Variants in LDLRAD4 observed in about 807,000 individuals in gnomAD.
The protein encoded by LDLRAD4 is low-density lipoprotein receptor class A domain-containing protein 4.
LDLRAD4 carries 5 observed loss-of-function variants against 17.0 expected under a neutral mutation model. The ratio of observed to expected loss-of-function variants is 0.29; its 90% CI spans 0.15 to 0.62. LDLRAD4 has a LOEUF of 0.62. Ranked by LOEUF, LDLRAD4 falls within the 20% of genes least tolerant of loss-of-function variation. The pLI is 0.84. For synonymous variants in LDLRAD4, 168 were observed against 171.8 expected, an observed-to-expected ratio of 0.98 and a Z score of 0.17; for missense variants, 340 against 424.7, an observed-to-expected ratio of 0.80 and a Z score of 1.75.
chr18:13,501,221 G>A (rs180883725), intron 3 of LDLRAD4: 1 of 152,218 alleles, frequency 6.6e-6, no homozygotes, highest in East Asian at 1.9e-4. Flanking sequence ...ATCTTAAATA[G>A]GTACAGTGGC....
chr18:13,420,886 C>G (rs1357259486), intron 2 of LDLRAD4: 1 of 152,252 alleles, frequency 6.6e-6, no homozygotes, highest in Non-Finnish European at 1.5e-5. Context: ...CAGGACTCAG[C>G]ATCTCAGTGC....
At chr18:13,369,398 C>G (rs957947429) in intron 1 of LDLRAD4, among the ~76,000 whole-genome samples, 2 of 152,072 alleles carry the variant, frequency 1.3e-5, no homozygotes, top group Admixed American at 1.3e-4. Context: ...GCCTGGGGGC[C>G]TGTTGGCCTC....
intron 3 of LDLRAD4, among the ~76,000 whole-genome samples, chr18:13,492,438 T>C (rs1448720598): frequency 2.6e-5 from 4 of 151,302 alleles, no homozygotes; most frequent in Non-Finnish European, 5.9e-5. Flanking sequence ...GGTCCTCCCT[T>C]CCCCCCCGGG....
chr18:13,597,689 T>G (rs1384821862), intron 3 of LDLRAD4, among the ~76,000 whole-genome samples: 1 of 152,232 alleles, frequency 6.6e-6, no homozygotes, highest in East Asian at 1.9e-4. Flanking sequence ...TTATGTCAGT[T>G]TAGATCTACT....
At chr18:13,409,385 A>C (rs956771567) in intron 2 of LDLRAD4, among the ~76,000 whole-genome samples, 2 of 152,182 alleles carry the variant, frequency 1.3e-5, no homozygotes, top group Non-Finnish European at 2.9e-5. Flanking sequence ...TTAACTATAG[A>C]TGATTCCTCA....
chr18:13,461,974 G>A (rs1037135236), intron 3 of LDLRAD4: 4 of 152,192 alleles, frequency 2.6e-5, no homozygotes, highest in Admixed American at 6.5e-5. Context: ...CTTGGGCATG[G>A]AAAGTTGGGG....
At chr18:13,541,159 T>G (rs1196449629) in intron 3 of LDLRAD4, among the ~76,000 whole-genome samples, 17 of 152,232 alleles carry the variant, frequency 1.1e-4, no homozygotes, top group Admixed American at 1.1e-3. Context: ...GCTGCCATTT[T>G]GGAAGACATT....
chr18:13,424,451 A>G (rs1409061642), intron 2 of LDLRAD4, among the ~76,000 whole-genome samples: 1 of 152,138 alleles, frequency 6.6e-6, no homozygotes, highest in Admixed American at 6.6e-5. Context: ...CCCTCCCTTT[A>G]GCGCATTTGA....
chr18:13,590,028 G>A (rs933102326), intron 3 of LDLRAD4, among the ~76,000 whole-genome samples: 5 of 143,950 alleles, frequency 3.5e-5, no homozygotes, highest in African/African-American at 1.4e-4. Flanking sequence ...CATGTGTATG[G>A]GTGTGCATGT....
In LDLRAD4 at chr18:13,631,232, C is replaced by T. The variant is rs576352664; in HGVS notation, c.336+9961C>T. On this transcript the variant is annotated intron_variant, in intron 4 of 5. Coordinates refer to ENST00000359446, the Ensembl canonical transcript of LDLRAD4. ...TGAAAAGGATTATAAAATAGTGCTACGAACAATTGTATGCAAACCAATTGG... is the reference window on the plus strand; with the variant it reads ...TGAAAAGGATTATAAAATAGTGCTATGAACAATTGTATGCAAACCAATTGG... Among the ~76,000 whole-genome samples the T allele has an allele frequency of 7.8e-4, 118 of 152,194 alleles. 1 individual carries two copies. Among genetic ancestry groups the T allele is most frequent in the African/African-American group, 2.7e-3 (113 of 41,516 alleles).
intron 1 of LDLRAD4, among the ~76,000 whole-genome samples, chr18:13,312,228 A>G (rs993549644): frequency 9.8e-5 from 15 of 152,326 alleles, no homozygotes; most frequent in African/African-American, 3.6e-4. Flanking sequence ...TCATGCACAC[A>G]ATCATTAATA....
chr18:13,263,021 C>T (rs1253961646), intron 1 of LDLRAD4, among the ~76,000 whole-genome samples: 3 of 139,496 alleles, frequency 2.2e-5, no homozygotes, highest in Non-Finnish European at 4.6e-5. Flanking sequence ...GGCTGAGTCC[C>T]GTGCGGCTCT....
intron 3 of LDLRAD4, among the ~76,000 whole-genome samples, chr18:13,480,537 C>A (rs745735532): frequency 6.6e-6 from 1 of 152,108 alleles, no homozygotes; most frequent in Non-Finnish European, 1.5e-5. Flanking sequence ...CAAGAGTGAA[C>A]CCTAACGAAG....
chr18:13,348,900 T>C (rs532154864), intron 1 of LDLRAD4, among the ~76,000 whole-genome samples: 1 of 152,316 alleles, frequency 6.6e-6, no homozygotes, highest in East Asian at 1.9e-4. Context: ...CCTGGTGTGA[T>C]GTTTGCTAAG....
At chr18:13,285,453 A>G (rs2045567348) in intron 1 of LDLRAD4, among the ~76,000 whole-genome samples, 1 of 152,178 alleles carries the variant, frequency 6.6e-6, no homozygotes, top group South Asian at 2.1e-4. Context: ...TGTGTAACTT[A>G]ACATGGGGGC....
intron 2 of LDLRAD4, among the ~76,000 whole-genome samples, chr18:13,396,127 A>G (rs770194279): frequency 6.6e-6 from 1 of 152,238 alleles, no homozygotes; most frequent in East Asian, 1.9e-4. Context: ...TTTTTAACCA[A>G]TAATAGTCCG....
intron 1 of LDLRAD4, among the ~76,000 whole-genome samples, chr18:13,324,841 A>C (rs1445143600): frequency 2.6e-5 from 4 of 152,212 alleles, no homozygotes; most frequent in Admixed American, 2.0e-4. Flanking sequence ...GGTGGAAAGA[A>C]AACAGCAGAG....
chr18:13,540,590 C>A (rs1010044024), intron 3 of LDLRAD4, among the ~76,000 whole-genome samples: 2 of 152,102 alleles, frequency 1.3e-5, no homozygotes, highest in Non-Finnish European at 2.9e-5. Context: ...CAGAGAGTTC[C>A]GTGGGGGTTC....
intron 1 of LDLRAD4, among the ~76,000 whole-genome samples, chr18:13,271,770 T>C (rs1014985650): frequency 3.9e-5 from 6 of 152,076 alleles, no homozygotes; most frequent in African/African-American, 1.4e-4. Context: ...ATTAGGCACA[T>C]AGACTGCTTT....
Sources: gnomAD v4.1 joint callset for allele counts (sites outside exome capture counted in the v4.1 genomes callset) on GRCh38, gnomAD v4.1.1 for gene constraint, MANE v1.5 for transcripts, NCBI Gene and HGNC (gene_info 2026-07-23, HGNC 2026-07-21) for gene names.